IGFL2: variants seen among roughly 807,000 people sequenced by gnomAD.
The protein encoded by IGFL2 is insulin growth factor-like family member 2.
Under a neutral mutation model 13.9 loss-of-function variants are expected in IGFL2, and 7 were observed. That is an observed-to-expected ratio of 0.51 (90% CI 0.29 to 0.95). The LOEUF is 0.95. Ranked by LOEUF, IGFL2 falls within the 40% of genes least tolerant of loss-of-function variation. The pLI is 0.08. For synonymous variants in IGFL2, 55 were observed against 55.8 expected (o/e 0.99, Z 0.07); for missense variants, 138 against 147.8 (o/e 0.93, Z 0.34).
At chr19:46,150,031 A>G (rs1181196976) in intron 1 of IGFL2, among the ~76,000 whole-genome samples, 3 of 151,840 alleles carry the variant, frequency 2.0e-5, no homozygotes, top group African/African-American at 4.8e-5. Flanking sequence ...AGATTCTTCA[A>G]CCTTTGTTAT....
intron 1 of IGFL2, among the ~76,000 whole-genome samples, chr19:46,152,554 G>A (rs1973562460): frequency 6.6e-6 from 1 of 152,150 alleles, no homozygotes. Flanking sequence ...AAAATGCTGG[G>A]ATTACAGGAG....
chr19:46,144,714 A>G (rs572545568), upstream of IGFL2, among the ~76,000 whole-genome samples: 38 of 152,282 alleles, frequency 2.5e-4, no homozygotes, highest in African/African-American at 9.1e-4. Flanking sequence ...TTCTATGCAC[A>G]ACTTAATGGA....
chr19:46,136,044 G>A, the IGFL2 span, among the ~76,000 whole-genome samples: 1 of 152,142 alleles, frequency 6.6e-6, no homozygotes, highest in Non-Finnish European at 1.5e-5. Flanking sequence ...ATTGACCTTG[G>A]AGAATCTGAT....
At chr19:46,137,257 A>G in the IGFL2 span, 1 of 1,351,238 alleles carries the variant, frequency 7.4e-7, no homozygotes, top group East Asian at 2.3e-5. Flanking sequence ...GATCTTTGCC[A>G]TCCTTTCTCA....
the IGFL2 span, among the ~76,000 whole-genome samples, chr19:46,127,477 GAAGGAAGA>G: frequency 6.6e-6 from 1 of 152,206 alleles, no homozygotes; most frequent in South Asian, 2.1e-4. Context: ...AAATTTTCTT[GAAGGAAGA>G]AATAACTTTC....
chr19:46,185,142 G>A, the IGFL2 span, among the ~76,000 whole-genome samples: 1 of 152,242 alleles, frequency 6.6e-6, no homozygotes, highest in East Asian at 1.9e-4. Context: ...GTAGATTCTG[G>A]ATATTAGCTC....
At chr19:46,105,069 G>A in the IGFL2 span, among the ~76,000 whole-genome samples, 1 of 152,200 alleles carries the variant, frequency 6.6e-6, no homozygotes, top group Non-Finnish European at 1.5e-5. Flanking sequence ...TAAGCAATGG[G>A]ATCTGATGCC....
chr19:46,165,428 G>T (rs1974353144), downstream of IGFL2, among the ~76,000 whole-genome samples: 1 of 152,236 alleles, frequency 6.6e-6, no homozygotes, highest in South Asian at 2.1e-4. Flanking sequence ...CAGGTTGGCT[G>T]AAGGACACCT....
chr19:46,203,181 A>G, the IGFL2 span: 27,899 of 152,184 alleles, frequency 0.18, 2,685 homozygotes, highest in African/African-American at 0.23. Flanking sequence ...GATGGGGATC[A>G]CAAGGTGCAG....
At chr19:46,159,789 C>T (rs1435015273) in intron 1 of IGFL2, 1 of 152,388 alleles carries the variant, frequency 6.6e-6, no homozygotes, top group Non-Finnish European at 1.5e-5. Context: ...AATTTTAGAC[C>T]TACTGTCCGT....
At chr19:46,142,628 T>C (rs1308011934), upstream of IGFL2, among the ~76,000 whole-genome samples, 1 of 152,222 alleles carries the variant, frequency 6.6e-6, no homozygotes, top group Non-Finnish European at 1.5e-5. Context: ...AAATTGGACT[T>C]TAGTAGGCAG....
chr19:46,171,986 A>G, the IGFL2 span, among the ~76,000 whole-genome samples: 1 of 152,160 alleles, frequency 6.6e-6, no homozygotes, highest in Non-Finnish European at 1.5e-5. Context: ...AAAAAAAATT[A>G]TGTGTGATGA....
chr19:46,124,253 C>T, the IGFL2 span: 1 of 1,610,182 alleles, frequency 6.2e-7, no homozygotes, highest in Non-Finnish European at 8.5e-7. Flanking sequence ...TCATTTTTCC[C>T]TGTCCTGTCC....
At chr19:46,127,578 T>C in the IGFL2 span, among the ~76,000 whole-genome samples, 1 of 152,004 alleles carries the variant, frequency 6.6e-6, no homozygotes, top group Non-Finnish European at 1.5e-5. Flanking sequence ...TCCCAGAAAA[T>C]TGTTCTTAAA....
chr19:46,117,267 TAGGTATG>T, the IGFL2 span, among the ~76,000 whole-genome samples: 2 of 152,170 alleles, frequency 1.3e-5, no homozygotes, highest in East Asian at 3.9e-4. Context: ...AGATATTTTG[TAGGTATG>T]AGGTGTCACT....
At chr19:46,089,652 G>GT in the IGFL2 span, among the ~76,000 whole-genome samples, 815 of 143,360 alleles carry the variant, frequency 5.7e-3, 25 homozygotes, top group East Asian at 0.077. Context: ...TTGGTGGTAG[G>GT]TTTTTTTTTT....
chr19:46,141,495 G>C (rs535555006), upstream of IGFL2, among the ~76,000 whole-genome samples: 3 of 152,170 alleles, frequency 2.0e-5, no homozygotes, highest in South Asian at 4.2e-4. Flanking sequence ...ATGGAACCCA[G>C]GCTCCCAGCT....
the IGFL2 span, among the ~76,000 whole-genome samples, chr19:46,167,503 C>T: frequency 6.6e-6 from 1 of 152,126 alleles, no homozygotes; most frequent in South Asian, 2.1e-4. Context: ...TCCCAGCAAG[C>T]GTGCCACCCA....
chr19:46,085,813 T>G, the IGFL2 span, among the ~76,000 whole-genome samples: 1 of 152,198 alleles, frequency 6.6e-6, no homozygotes, highest in African/African-American at 2.4e-5. Flanking sequence ...GTAAGGCAGG[T>G]CTGGCAGTAA....
Sources: gnomAD v4.1 joint callset for allele counts (sites outside exome capture counted in the v4.1 genomes callset) on GRCh38, gnomAD v4.1.1 for gene constraint, MANE v1.5 for transcripts, NCBI Gene and HGNC (gene_info 2026-07-23, HGNC 2026-07-21) for gene names.